The following RYR3 variants were observed in gnomAD, a reference collection of about 807,000 sequenced individuals.
RYR3 encodes the protein brain ryanodine receptor-calcium release channel.
In RYR3, 207 loss-of-function variants were observed where a neutral mutation model predicts 584.3. That is an observed-to-expected ratio of 0.35 (90% CI 0.32 to 0.40). RYR3 has a LOEUF of 0.40. RYR3 is among the 10% of genes least tolerant of loss of function. The probability of loss-of-function intolerance (pLI) is 1.00; values close to 1 mark genes in which losing one functional copy is unlikely to be tolerated. For synonymous variants in RYR3, 2,416 were observed against 2,248.5 expected, an observed-to-expected ratio of 1.07 and a Z score of -2.11; for missense variants, 5,616 against 6,089.2, an observed-to-expected ratio of 0.92 and a Z score of 2.59.
intron 60 of RYR3, among the ~76,000 whole-genome samples, chr15:33,762,368 G>A (rs1475668805): frequency 1.3e-5 from 2 of 152,148 alleles, no homozygotes; most frequent in Non-Finnish European, 2.9e-5. Flanking sequence ...CATCGACTCA[G>A]CCCAAAAACC....
intron 3 of RYR3, among the ~76,000 whole-genome samples, chr15:33,508,810 G>T (rs1170304827): frequency 6.6e-6 from 1 of 152,100 alleles, no homozygotes; most frequent in East Asian, 1.9e-4. Context: ...GGAGCTTTTG[G>T]CTCCTTTGAT....
intron 62 of RYR3, among the ~76,000 whole-genome samples, chr15:33,771,598 AT>A (rs1477260279): frequency 1.3e-5 from 2 of 152,174 alleles, no homozygotes; most frequent in Non-Finnish European, 2.9e-5. Context: ...TTTTAACTAG[AT>A]CTTTACAGAA....
intron 64 of RYR3, among the ~76,000 whole-genome samples, chr15:33,775,619 A>C (rs1363995779): frequency 1.3e-5 from 2 of 152,178 alleles, no homozygotes; most frequent in Non-Finnish European, 2.9e-5. Flanking sequence ...TAGAGAACTC[A>C]AGTCAGTGGC....
chr15:33,314,658 T>TA (rs1967836896), intron 1 of RYR3, among the ~76,000 whole-genome samples: 1 of 152,194 alleles, frequency 6.6e-6, no homozygotes. Flanking sequence ...CTCACGCCTG[T>TA]AATCCCAGCA....
At chr15:33,552,219 C>G (rs1030275786) in intron 10 of RYR3, among the ~76,000 whole-genome samples, 9 of 152,254 alleles carry the variant, frequency 5.9e-5, no homozygotes, top group African/African-American at 1.9e-4. Context: ...ATTCTTGGCT[C>G]AGCCTTGTGG....
intron 1 of RYR3, among the ~76,000 whole-genome samples, chr15:33,347,450 C>CTT (rs780033353): frequency 4.2e-5 from 6 of 141,260 alleles, no homozygotes; most frequent in Admixed American, 7.1e-5. Context: ...ACATTGGGAG[C>CTT]TTTTTTTTTT....
In RYR3 at chr15:33,811,055, C is replaced by A; in HGVS notation, c.10257+18C>A. ...AGGAAAAGGTGATGACTCAGGACAG[C>A]AGTGAGAACTCACACCGGCTTTCCT... On this transcript the variant is annotated intron_variant, in intron 72 of 103. Coordinates refer to ENST00000634891, the MANE Select transcript of RYR3 (RefSeq NM_001036.6). The A allele has an allele frequency of 6.2e-7, 1 of 1,600,432 alleles. No individual in the cohort carries two copies. The highest frequency in any genetic ancestry group is 8.5e-7 in the Non-Finnish European group (1 of 1,172,740).
At position 33,566,689 on chromosome 15, in the gene RYR3, T is replaced by C. The variant is rs2057734669; in HGVS notation, c.1158T>C (p.His386=). Residue 386 remains histidine, a synonymous_variant, in exon 12 of 104, where the codon CAT becomes CAC. Transcript: ENST00000634891. The part of the protein sequence containing the change: ...LGPLKRKVIL[H]QEGHMDDGLT... The stretch of plus-strand genomic sequence containing the variant: ...TGCCCTGTGGGTAGGTCATACTCCA[T>C]CAGGAAGGCCACATGGATGATGGAT... 1 of 1,613,706 alleles carries C rather than the reference T, an allele frequency of 6.2e-7. No individual in the cohort carries two copies. The highest frequency in any genetic ancestry group is 1.3e-5 in the African/African-American group (1 of 75,020).
At chr15:33,452,389 G>A (rs531495207) in intron 1 of RYR3, among the ~76,000 whole-genome samples, 1 of 152,146 alleles carries the variant, frequency 6.6e-6, no homozygotes. Context: ...TGCCAGAAAA[G>A]CAACCAAAGA....
intron 43 of RYR3, among the ~76,000 whole-genome samples, chr15:33,715,310 T>G (rs982059045): frequency 6.6e-6 from 1 of 152,240 alleles, no homozygotes; most frequent in African/African-American, 2.4e-5. Flanking sequence ...ACTAAATGTG[T>G]GACACATAGT....
intron 2 of RYR3, among the ~76,000 whole-genome samples, chr15:33,495,425 C>T (rs1021520789): frequency 7.9e-5 from 12 of 152,146 alleles, no homozygotes; most frequent in African/African-American, 2.9e-4. Flanking sequence ...TTCAGTCTTT[C>T]TGAGTCTTTC....
intron 2 of RYR3, among the ~76,000 whole-genome samples, chr15:33,485,126 A>G (rs956809910): frequency 1.3e-5 from 2 of 152,212 alleles, no homozygotes; most frequent in African/African-American, 4.8e-5. Context: ...AAATCAAGAG[A>G]AGAATATCAA....
At chr15:33,723,160 A>G (rs2068076662) in intron 44 of RYR3, among the ~76,000 whole-genome samples, 1 of 152,212 alleles carries the variant, frequency 6.6e-6, no homozygotes. Context: ...GCCTCCCTAT[A>G]GTATCACCAT....
chr15:33,750,253 A>G lies in RYR3; in HGVS notation c.8366A>G (p.Lys2789Arg), dbSNP rs1303533117. 6.2e-7 allele frequency: 1 copy of G among 1,610,608 alleles called. No individual in the cohort carries two copies. Among genetic ancestry groups the G allele is most frequent in the Non-Finnish European group, 8.5e-7 (1 of 1,178,472 alleles). ...KDREKAQDLF[K>R]FLQVNGIIVS... ...CGGGAGAAGGCACAGGACCTGTTTA[A>G]GTTCCTCCAAGTGAATGGCATCATA... Residue 2789 changes from lysine (K) to arginine (R), a missense_variant, in exon 57 of 104, where the codon AAG becomes AGG. By Grantham distance (26) the Lys-to-Arg change is conservative. Coordinates refer to ENST00000634891, the MANE Select transcript of RYR3 (RefSeq NM_001036.6).
intron 27 of RYR3, among the ~76,000 whole-genome samples, chr15:33,641,428 C>T (rs1011656046): frequency 1.3e-5 from 2 of 152,178 alleles, no homozygotes; most frequent in African/African-American, 4.8e-5. Flanking sequence ...TTTATCATTC[C>T]ATGGTTGTTC....
chr15:33,705,070 G>A (rs1010889945), intron 42 of RYR3, among the ~76,000 whole-genome samples: 2 of 145,376 alleles, frequency 1.4e-5, no homozygotes, highest in Admixed American at 6.8e-5. Context: ...ATACACACAC[G>A]CATATGCACA....
At chr15:33,825,269 CT>C (rs1555476692) in intron 81 of RYR3, among the ~76,000 whole-genome samples, 1 of 16,788 alleles carries the variant, frequency 6.0e-5, no homozygotes, top group East Asian at 1.6e-3. Context: ...ATTATTCCTT[CT>C]TTATTTGGAA....
intron 52 of RYR3, 100 bp from the exon 53 acceptor site, chr15:33,745,968 C>T: frequency 1.3e-6 from 1 of 787,214 alleles, no homozygotes. Flanking sequence ...TGTCACTATC[C>T]ATTACTCCAC....
chr15:33,851,556 A>G (rs2079114470), intron 94 of RYR3: 1 of 152,208 alleles, frequency 6.6e-6, no homozygotes, highest in Non-Finnish European at 1.5e-5. Context: ...CGTAACAAGT[A>G]AAAAATCTGT....
Sources: allele counts gnomAD v4.1 joint callset (sites outside exome capture counted in the v4.1 genomes callset), GRCh38; gene constraint gnomAD v4.1.1; transcripts MANE v1.5; gene names NCBI Gene and HGNC (gene_info 2026-07-23, HGNC 2026-07-21).